The following HTR1E variants were observed in gnomAD, a reference collection of about 807,000 sequenced individuals.
HTR1E encodes 5-hydroxytryptamine receptor 1E.
In HTR1E, 3 loss-of-function variants were observed where a neutral mutation model predicts 3.4. The ratio of observed to expected loss-of-function variants is 0.89; its 90% confidence interval spans 0.41 to 2.31. HTR1E has a LOEUF of 2.31. HTR1E is among the 30% of genes most tolerant of loss of function. The pLI is 0.05. For synonymous variants in HTR1E, 170 were observed against 182.8 expected, an observed-to-expected ratio of 0.93 and a Z score of 0.56; for missense variants, 392 against 467.0, an observed-to-expected ratio of 0.84 and a Z score of 1.48.
intron 1 of HTR1E, among the ~76,000 whole-genome samples, chr6:86,978,828 A>G (rs917779222): frequency 2.0e-5 from 3 of 152,238 alleles, no homozygotes; most frequent in African/African-American, 7.2e-5. Context: ...TTCTGCTCAG[A>G]TAATTTTAAA....
intron 1 of HTR1E, among the ~76,000 whole-genome samples, chr6:87,002,742 G>C (rs1768043895): frequency 6.6e-6 from 1 of 152,292 alleles, no homozygotes; most frequent in South Asian, 2.1e-4. Flanking sequence ...TAATCCTCTA[G>C]CTAGGCAGAA....
chr6:87,016,157 C>G lies in HTR1E; in HGVS notation c.823C>G (p.Pro275Ala). The G allele has an allele frequency of 6.2e-7, 1 of 1,614,160 alleles. No individual in the cohort carries two copies. Among genetic ancestry groups the G allele is most frequent in the Non-Finnish European group, 8.5e-7 (1 of 1,180,032 alleles). Residue 275 changes from proline to alanine, a missense_variant, in exon 2 of 2, where the codon CCA (proline) becomes GCA (alanine). Pro to Ala is a conservative substitution (Grantham distance 27). Coordinates refer to ENST00000305344, the MANE Select transcript of HTR1E (RefSeq NM_000865.3). The stretch of plus-strand genomic sequence containing the variant: ...CCCCTTCGACAATGATCTAGATCAC[C>G]CAGGAGAACGTCAGCAGATCTCTAG... ...IPPFDNDLDH[P>A]GERQQISSTR...
chr6:86,967,005 A>G (rs56087744), intron 1 of HTR1E, among the ~76,000 whole-genome samples: 23,571 of 152,226 alleles, frequency 0.15, 2,111 homozygotes, highest in East Asian at 0.29. Context: ...TTCTGAATTG[A>G]AGGGGACCTC....
intron 1 of HTR1E, among the ~76,000 whole-genome samples, chr6:86,984,929 A>G (rs1446350331): frequency 6.6e-6 from 1 of 152,174 alleles, no homozygotes; most frequent in Non-Finnish European, 1.5e-5. Context: ...ACTTAAACCT[A>G]AACTATGGGA....
chr6:86,977,335 C>A (rs1241818961), intron 1 of HTR1E, among the ~76,000 whole-genome samples: 3 of 152,174 alleles, frequency 2.0e-5, no homozygotes, highest in African/African-American at 7.2e-5. Context: ...TGGCCCCCAG[C>A]TCCATCCATG....
chr6:87,015,750 C>A lies in HTR1E; in HGVS notation c.416C>A (p.Ala139Asp), dbSNP rs1562076367. The change falls in exon 2 of 2, where the codon GCC becomes GAC. Residue 139 changes from alanine to aspartate, a missense_variant. Ala to Asp is a moderately radical substitution (Grantham distance 126). Around this residue, in one of 3 missense-constraint regions of HTR1E, gnomAD observed 189 missense variants for 258.0 expected, o/e 0.73. Coordinates refer to ENST00000305344, the MANE Select transcript of HTR1E (RefSeq NM_000865.3). ...EYARKRTAKR[A>D]ALMILTVWTI... ...GCCAGGAAGAGGACGGCCAAGAGGGCCGCGCTGATGATCCTTACCGTCTGG... is the reference window on the plus strand; with the variant it reads ...GCCAGGAAGAGGACGGCCAAGAGGGACGCGCTGATGATCCTTACCGTCTGG... The A allele has an allele frequency of 6.2e-7, 1 of 1,609,284 alleles. No homozygotes were observed. The highest frequency in any genetic ancestry group is 8.5e-7 in the Non-Finnish European group (1 of 1,177,152).
chr6:86,941,676 C>G (rs989702601), intron 1 of HTR1E, among the ~76,000 whole-genome samples: 2 of 152,184 alleles, frequency 1.3e-5, no homozygotes, highest in African/African-American at 4.8e-5. Context: ...GTTATCAGTG[C>G]AGACCAGATG....
intron 1 of HTR1E, among the ~76,000 whole-genome samples, chr6:86,995,598 G>A (rs1462560418): frequency 4.8e-5 from 7 of 146,404 alleles, no homozygotes; most frequent in Non-Finnish European, 9.0e-5. Flanking sequence ...CCTGGGAGGC[G>A]GAGGTTGCAG....
chr6:86,949,707 TAATA>T (rs1472422839), intron 1 of HTR1E, among the ~76,000 whole-genome samples: 1 of 152,056 alleles, frequency 6.6e-6, no homozygotes, highest in Non-Finnish European at 1.5e-5. Flanking sequence ...ATTTTTATTA[TAATA>T]AGTTTAATTA....
chr6:86,980,163 G>A (rs1051020514), intron 1 of HTR1E, among the ~76,000 whole-genome samples: 7 of 151,986 alleles, frequency 4.6e-5, no homozygotes, highest in South Asian at 2.1e-4. Flanking sequence ...CGAGGCGGGC[G>A]GATCATGAGG....
chr6:86,969,463 C>T (rs1022574196), intron 1 of HTR1E, among the ~76,000 whole-genome samples: 32 of 152,254 alleles, frequency 2.1e-4, no homozygotes, highest in African/African-American at 7.5e-4. Flanking sequence ...TCTAGCCCAG[C>T]GTAGATTTCT....
chr6:87,007,799 T>C (rs1768138934), intron 1 of HTR1E, among the ~76,000 whole-genome samples: 1 of 151,886 alleles, frequency 6.6e-6, no homozygotes. Context: ...GCCAAAGGGG[T>C]GGCACATGTC....
chr6:87,003,951 A>G (rs1768065708), intron 1 of HTR1E, among the ~76,000 whole-genome samples: 1 of 146,930 alleles, frequency 6.8e-6, no homozygotes, highest in African/African-American at 2.7e-5. Context: ...AGAGAAATTC[A>G]AAAGATCGTT....
chr6:87,010,308 G>A (rs1331213873), intron 1 of HTR1E, among the ~76,000 whole-genome samples: 11 of 106,402 alleles, frequency 1.0e-4, no homozygotes, highest in South Asian at 7.0e-4. Context: ...CTGGCCGGGC[G>A]GGGGGGCTGA....
intron 1 of HTR1E, 48 bp from the exon 2 acceptor site, chr6:87,015,102 A>G: frequency 2.8e-6 from 1 of 354,430 alleles, no homozygotes; most frequent in Non-Finnish European, 5.0e-6. Flanking sequence ...GTTTTCCAGG[A>G]AAAGTGTGGC....
At chr6:87,001,984 A>C (rs931797170) in intron 1 of HTR1E, among the ~76,000 whole-genome samples, 1 of 152,248 alleles carries the variant, frequency 6.6e-6, no homozygotes, top group African/African-American at 2.4e-5. Context: ...ATATCAGACA[A>C]AATAGATTTC....
intron 1 of HTR1E, among the ~76,000 whole-genome samples, chr6:86,968,941 C>A (rs183798163): frequency 7.8e-4 from 112 of 143,932 alleles, no homozygotes; most frequent in Non-Finnish European, 1.6e-4. Context: ...ATTGTTAATA[C>A]CTTTGGTATT....
intron 1 of HTR1E, among the ~76,000 whole-genome samples, chr6:86,963,689 G>A (rs1485971108): frequency 6.6e-6 from 1 of 152,076 alleles, no homozygotes; most frequent in Non-Finnish European, 1.5e-5. Flanking sequence ...ATATCATTGT[G>A]TTACAATTGC....
At chr6:86,966,063 T>A in intron 1 of HTR1E, among the ~76,000 whole-genome samples, 2 of 152,220 alleles carry the variant, frequency 1.3e-5, no homozygotes, top group Admixed American at 1.3e-4. Context: ...TCTTCCCCTA[T>A]ATCTAAGTTG....
Sources: allele counts gnomAD v4.1 joint callset (sites outside exome capture counted in the v4.1 genomes callset), GRCh38; gene constraint gnomAD v4.1.1; regional missense constraint gnomAD v4.1.1; transcripts MANE v1.5; gene names NCBI Gene and HGNC (gene_info 2026-07-23, HGNC 2026-07-21).